SPRY3: variants seen among roughly 807,000 people sequenced by gnomAD.
The protein encoded by SPRY3 is protein sprouty homolog 3.
SPRY3 carries 15 observed loss-of-function variants against 20.2 expected under a neutral mutation model. The ratio of observed to expected loss-of-function variants is 0.74; its 90% CI spans 0.50 to 1.14. The LOEUF (loss-of-function observed/expected upper bound fraction) is 1.14, where lower values mean the gene tolerates loss of function less well. SPRY3 is among the 50% of genes most tolerant of loss of function. The pLI is 0.00. For missense variants in SPRY3, 364 were observed against 363.9 expected, an observed-to-expected ratio of 1.00 and a Z score of 0.00; for synonymous variants, 143 against 136.5, an observed-to-expected ratio of 1.05 and a Z score of -0.33.
At chrX:155,744,378 A>G (rs1442095777) in intron 2 of SPRY3, among the ~76,000 whole-genome samples, 1 of 152,066 alleles carries the variant, frequency 6.6e-6, no homozygotes, top group Non-Finnish European at 1.5e-5. Flanking sequence ...GTTTGTGTAA[A>G]AGGAGGCAAC....
chrX:155,767,720 A>AAGAGGAGGAGGAGGAGAC (rs2091345719), intron 2 of SPRY3: 1 of 64,458 alleles, frequency 1.6e-5, no homozygotes, highest in Non-Finnish European at 3.0e-5. Flanking sequence ...GAGGAGGAGA[A>AAGAGGAGGAGGAGGAGAC]AGAGGAGGAG....
At chrX:155,705,989 G>T (rs1304050847) in intron 2 of SPRY3, among the ~76,000 whole-genome samples, 2 of 151,236 alleles carry the variant, frequency 1.3e-5, no homozygotes, top group Non-Finnish European at 3.0e-5. Flanking sequence ...CAAGGATATA[G>T]AAGATCTGAA....
At chrX:155,759,438 A>G (rs758793380) in intron 2 of SPRY3, among the ~76,000 whole-genome samples, 1 of 152,154 alleles carries the variant, frequency 6.6e-6, no homozygotes, top group South Asian at 2.1e-4. Flanking sequence ...CCTTTGTTAC[A>G]TTTGTCTATT....
intron 1 of SPRY3, among the ~76,000 whole-genome samples, chrX:155,637,974 T>C (rs1400830714): frequency 1.7e-4 from 9 of 52,690 alleles, no homozygotes; most frequent in Non-Finnish European, 3.8e-4. Flanking sequence ...ATTCTCAGGG[T>C]TGTTTTTTTT....
At position 155,737,798 on chromosome X, in the gene SPRY3, TGAG is replaced by T. The variant is rs758078716; in HGVS notation, c.-281-30159_-281-30157del. 5.1e-4 allele frequency among the ~76,000 whole-genome samples: 78 copies of T among 152,200 alleles called. 1 individual carries two copies. The South Asian group carries it at 0.016, about 31-fold the overall frequency. ...AGTTTAGAATTTATCCTGAGGTAAGTGAGGAGGTGTTGAAAGAATTTAAGCAAG... is the reference window on the plus strand; with the variant it reads ...AGTTTAGAATTTATCCTGAGGTAAGTGAGGTGTTGAAAGAATTTAAGCAAG... On this transcript the variant is annotated intron_variant, in intron 2 of 3. Coordinates refer to ENST00000675360, the Ensembl canonical transcript of SPRY3.
At chrX:155,691,482 G>A (rs2068101815) in intron 2 of SPRY3, among the ~76,000 whole-genome samples, 1 of 88,159 alleles carries the variant, frequency 1.1e-5, no homozygotes, top group African/African-American at 5.5e-5. Context: ...TGATGATTCA[G>A]AAGGTTCTGA....
intron 2 of SPRY3, among the ~76,000 whole-genome samples, chrX:155,661,472 A>G (rs1204794199): frequency 1.8e-5 from 2 of 110,461 alleles, no homozygotes; most frequent in Non-Finnish European, 3.8e-5. Context: ...TTTTTCTTTC[A>G]CTTTGACTTT....
chrX:155,767,617 GGAA>G (rs1263166050), intron 2 of SPRY3, among the ~76,000 whole-genome samples: 98 of 147,824 alleles, frequency 6.6e-4, no homozygotes, highest in Non-Finnish European at 1.2e-3. Flanking sequence ...CAAGAGGAGG[GGAA>G]GGAAAATACT....
In SPRY3 at chrX:155,748,423, T is replaced by A. The variant is rs185132080; in HGVS notation, c.-281-19539T>A. Among the ~76,000 whole-genome samples the A allele has an allele frequency of 2.4e-4, 37 of 151,870 alleles. No individual in the cohort carries two copies. In the East Asian group the frequency reaches 7.2e-3, roughly 29 times the overall value. On this transcript the variant is annotated intron_variant, in intron 2 of 3. Coordinates refer to ENST00000675360, the Ensembl canonical transcript of SPRY3. ...AAGAATAGAGTTTAGGGAGTGACTCTACCAAGCAGGCAAAAGAGAGGACTT... is the reference window on the plus strand; with the variant it reads ...AAGAATAGAGTTTAGGGAGTGACTCAACCAAGCAGGCAAAAGAGAGGACTT...
rs1468529179 is a variant in SPRY3, at chrX:155,726,095, G to T, written c.-281-41867G>T. ...TTATGTACACAGTAGTCATTCAGGAGCTGGTTGTTCAGTTTCCATGTTGTT... is the reference window on the plus strand; with the variant it reads ...TTATGTACACAGTAGTCATTCAGGATCTGGTTGTTCAGTTTCCATGTTGTT... On this transcript the variant is annotated intron_variant, in intron 2 of 3. Coordinates refer to ENST00000675360, the Ensembl canonical transcript of SPRY3. 7.2e-5 allele frequency among the ~76,000 whole-genome samples: 11 copies of T among 152,148 alleles called. 1 individual carries two copies. Among genetic ancestry groups the T allele is most frequent in the Admixed American group, 7.2e-4 (11 of 15,274 alleles).
chrX:155,737,451 T>TA (rs1358239498), intron 2 of SPRY3, among the ~76,000 whole-genome samples: 2 of 151,972 alleles, frequency 1.3e-5, no homozygotes, highest in South Asian at 2.1e-4. Flanking sequence ...TAATACAATG[T>TA]AAAAAATGCC....
At chrX:155,756,406 T>C (rs1460373010) in intron 2 of SPRY3, among the ~76,000 whole-genome samples, 1 of 152,134 alleles carries the variant, frequency 6.6e-6, no homozygotes, top group African/African-American at 2.4e-5. Flanking sequence ...AGGTGCTTAA[T>C]GCAATATTCA....
At chrX:155,658,476 C>T (rs1046375338) in intron 2 of SPRY3, among the ~76,000 whole-genome samples, 6 of 111,793 alleles carry the variant, frequency 5.4e-5, no homozygotes, top group East Asian at 2.8e-4. Flanking sequence ...CTTGATTTAG[C>T]GCTCTGCTTG....
At chrX:155,728,510 C>T (rs906242624) in intron 2 of SPRY3, among the ~76,000 whole-genome samples, 3 of 152,194 alleles carry the variant, frequency 2.0e-5, no homozygotes, top group African/African-American at 7.2e-5. Context: ...ATTCAAGCCT[C>T]AGCAATGGTG....
chrX:155,621,724 G>A (rs1189988229), intron 1 of SPRY3, among the ~76,000 whole-genome samples: 1 of 111,618 alleles, frequency 9.0e-6, no homozygotes, highest in African/African-American at 3.3e-5. Context: ...TTGAAATTCA[G>A]TGTATTACCA....
chrX:155,742,002 C>T (rs961090807), intron 2 of SPRY3, among the ~76,000 whole-genome samples: 6 of 152,068 alleles, frequency 3.9e-5, no homozygotes, highest in Non-Finnish European at 7.4e-5. Context: ...ACAATATTAA[C>T]CTTAAATGTA....
intron 1 of SPRY3, among the ~76,000 whole-genome samples, chrX:155,653,179 A>C (rs1043644051): frequency 1.8e-5 from 2 of 111,377 alleles, no homozygotes; most frequent in Non-Finnish European, 3.8e-5. Context: ...TGATTTGCAA[A>C]TATGTTCTCT....
At chrX:155,716,442 A>G (rs1424730061) in intron 2 of SPRY3, among the ~76,000 whole-genome samples, 1 of 152,230 alleles carries the variant, frequency 6.6e-6, no homozygotes, top group East Asian at 1.9e-4. Flanking sequence ...GCTAAATCCA[A>G]CATACAGTTT....
At chrX:155,748,308 T>C (rs369998787) in intron 2 of SPRY3, among the ~76,000 whole-genome samples, 3 of 152,002 alleles carry the variant, frequency 2.0e-5, no homozygotes, top group African/African-American at 7.2e-5. Flanking sequence ...AATGATGAAA[T>C]CTTGGCTAAT....
Sources: allele counts gnomAD v4.1 joint callset (sites outside exome capture counted in the v4.1 genomes callset), GRCh38; gene constraint gnomAD v4.1.1; transcripts MANE v1.5; gene names NCBI Gene and HGNC (gene_info 2026-07-23, HGNC 2026-07-21).